Variants in PKHD1L1 observed in about 807,000 individuals in gnomAD.
PKHD1L1 encodes the protein fibrocystin-L.
A neutral mutation model predicts 462.9 loss-of-function variants in PKHD1L1; 434 were observed. The observed-to-expected ratio is 0.94, with a 90% confidence interval of 0.87 to 1.02. The LOEUF is 1.02. Ranked by LOEUF, PKHD1L1 falls within the 50% of genes least tolerant of loss-of-function variation. The pLI is 0.00. For synonymous variants in PKHD1L1, 1,781 were observed against 1,750.0 expected (o/e 1.02, Z -0.44); for missense variants, 5,202 against 5,096.1 (o/e 1.02, Z -0.63).
intron 40 of PKHD1L1, among the ~76,000 whole-genome samples, chr8:109,449,923 A>G (rs1816388384): frequency 6.6e-6 from 1 of 152,226 alleles, no homozygotes; most frequent in Admixed American, 6.5e-5. Context: ...TTTCAACTAT[A>G]AAGTGAGATG....
chr8:109,375,380 G>A (rs1330443462), intron 2 of PKHD1L1, among the ~76,000 whole-genome samples: 3 of 152,100 alleles, frequency 2.0e-5, no homozygotes, highest in Non-Finnish European at 4.4e-5. Flanking sequence ...CTCTGCATTG[G>A]TTATTCTAGT....
intron 2 of PKHD1L1, among the ~76,000 whole-genome samples, chr8:109,366,683 T>C (rs1167034997): frequency 7.0e-6 from 1 of 143,122 alleles, no homozygotes; most frequent in Non-Finnish European, 1.5e-5. Flanking sequence ...ACCATTCCTG[T>C]GGTTATGATT....
intron 57 of PKHD1L1, 77 bp from the exon 58 acceptor site, chr8:109,484,967 T>C (rs950101460): frequency 1.7e-6 from 2 of 1,204,684 alleles, no homozygotes; most frequent in Non-Finnish European, 2.3e-6. Context: ...TAAATTTGAA[T>C]GATTTAATAA....
intron 53 of PKHD1L1, 65 bp from the exon 54 acceptor site, chr8:109,479,485 AT>A: frequency 9.0e-7 from 1 of 1,108,552 alleles, no homozygotes; most frequent in Non-Finnish European, 1.3e-6. Context: ...AACGGTTTAC[AT>A]TTTAGACAAA....
At chr8:109,484,959 A>G in intron 57 of PKHD1L1, 85 bp from the exon 58 acceptor site, 1 of 1,173,292 alleles carries the variant, frequency 8.5e-7, no homozygotes, top group Non-Finnish European at 1.2e-6. Context: ...ATATACATTA[A>G]ATTTGAATGA....
rs928664479 is a variant in PKHD1L1 at position 109,533,355 on chromosome 8, C to T, written c.*3265C>T. Among the ~76,000 whole-genome samples, 1 of 152,218 alleles carries T rather than the reference C, an allele frequency of 6.6e-6. No homozygotes were observed. Among genetic ancestry groups the T allele is most frequent in the African/African-American group, 2.4e-5 (1 of 41,458 alleles). On this transcript the variant is annotated 3_prime_UTR_variant, in exon 78 of 78. Coordinates refer to ENST00000378402, the MANE Select transcript of PKHD1L1 (RefSeq NM_177531.6). Reference sequence around the variant, plus strand: ...AACAGGCGGTAAAATGATAGCCACTCTTGTTTTTATTTCCATAATGTGGCC... The same window carrying T: ...AACAGGCGGTAAAATGATAGCCACTTTTGTTTTTATTTCCATAATGTGGCC...
chr8:109,481,749 T>C (rs997042217), intron 56 of PKHD1L1, among the ~76,000 whole-genome samples, 187 bp downstream of exon 56: 1 of 151,726 alleles, frequency 6.6e-6, no homozygotes, highest in Non-Finnish European at 1.5e-5. Context: ...GTAGCAGAGA[T>C]TTTAGAATTA....
intron 59 of PKHD1L1, among the ~76,000 whole-genome samples, chr8:109,488,253 T>C (rs1401489031): frequency 1.3e-5 from 2 of 151,918 alleles, no homozygotes; most frequent in Non-Finnish European, 2.9e-5. Flanking sequence ...CCTCCAAAGG[T>C]GACAGGGAGT....
intron 14 of PKHD1L1, among the ~76,000 whole-genome samples, chr8:109,403,975 G>A (rs1280317122): frequency 6.6e-6 from 1 of 151,990 alleles, no homozygotes; most frequent in Non-Finnish European, 1.5e-5. Context: ...GAGACATCAA[G>A]AATCAGGAAT....
chr8:109,435,816 G>GC (rs1554576166), intron 29 of PKHD1L1, among the ~76,000 whole-genome samples: 1 of 151,420 alleles, frequency 6.6e-6, no homozygotes, highest in African/African-American at 2.4e-5. Flanking sequence ...ACATTTGTTT[G>GC]TTTTTTTTAC....
chr8:109,412,304 GC>G lies in PKHD1L1; in HGVS notation c.2126del (p.Ala709ValfsTer8). ...NRGQKTAETD[A>X]YCGRYSLKNP... The stretch of plus-strand genomic sequence containing the variant: ...AGGGCAGAAGACAGCTGAAACCGAT[GC>G]TTACTGTGGTCGTTATTCCCTGAAA... On this transcript the variant is annotated frameshift_variant, in exon 20 of 78. Coordinates refer to ENST00000378402, the MANE Select transcript of PKHD1L1 (RefSeq NM_177531.6). LOFTEE classifies it high-confidence loss of function. 6.2e-7 allele frequency: 1 copy of G among 1,613,758 alleles called. No homozygotes were observed. Among genetic ancestry groups the G allele is most frequent in the Admixed American group, 1.7e-5 (1 of 59,998 alleles).
At position 109,459,837 on chromosome 8, in the gene PKHD1L1, G is replaced by C. The variant is rs17368310; in HGVS notation, c.7246+1G>C. On this transcript the variant is annotated splice_donor_variant, in intron 47 of 77. Coordinates refer to ENST00000378402, the MANE Select transcript of PKHD1L1 (RefSeq NM_177531.6). LOFTEE classifies it high-confidence loss of function. The stretch of plus-strand genomic sequence containing the variant: ...GCATGTCCTGATGGATTTGACACAG[G>C]TAATTTTAGCAGCTCTCGTGGTTGG... 0.051 allele frequency: 82,207 copies of C among 1,605,788 alleles called. 3,554 individuals are homozygous for C. The highest frequency in any genetic ancestry group is 0.22 in the Admixed American group (13,208 of 59,006).
Position 109,532,295 on chromosome 8 carries a change from G to T in PKHD1L1, c.*2205G>T, listed in dbSNP as rs7821242. 0.58 allele frequency among the ~76,000 whole-genome samples: 88,727 copies of T among 152,094 alleles called. 26,208 individuals carry two copies. Among genetic ancestry groups the T allele is most frequent in the Middle Eastern group, 0.68 (201 of 294 alleles). On this transcript the variant is annotated 3_prime_UTR_variant, in exon 78 of 78. Transcript: ENST00000378402. ...AACTGCTTTAGGCTTCTGGCTGTCT[G>T]CTTTTTAAGAACATTCTAGAATTAT...
chr8:109,442,911 T>C, intron 35 of PKHD1L1, 35 bp from the exon 36 acceptor site: 1 of 1,588,310 alleles, frequency 6.3e-7, no homozygotes. Context: ...CATTAATTGC[T>C]TATATTTATT....
At chr8:109,448,497 G>GT (rs767754593) in intron 39 of PKHD1L1, 106 bp downstream of exon 39, 14,868 of 1,004,904 alleles carry the variant, frequency 0.015, 2 homozygotes, top group South Asian at 0.025. Flanking sequence ...AAAATTTCTA[G>GT]TGTTTTTTTT....
chr8:109,477,541 T>G (rs1403375789), intron 53 of PKHD1L1, 145 bp downstream of exon 53: 1 of 753,846 alleles, frequency 1.3e-6, no homozygotes, highest in South Asian at 3.7e-5. Flanking sequence ...CTGCTTTGCT[T>G]GAGCCTTACA....
chr8:109,489,270 G>GT (rs144136132), intron 59 of PKHD1L1, among the ~76,000 whole-genome samples: 2,251 of 151,674 alleles, frequency 0.015, 28 homozygotes, highest in Middle Eastern at 0.051. Context: ...CTGTGCCTCA[G>GT]TTTTTTTTAA....
rs187239260 is a variant in PKHD1L1 at position 109,487,768 on chromosome 8, C to T, written c.9880+947C>T. ...GTGTCTCAGGCCTGTAATCCCAGCA[C>T]TTTGGGAGGCCAAGGTGGGATGACT... is the stretch of plus-strand genomic sequence containing the variant. On this transcript the variant is annotated intron_variant, in intron 59 of 77. Transcript: ENST00000378402. 2.0e-5 allele frequency among the ~76,000 whole-genome samples: 3 copies of T among 151,842 alleles called. No individual in the cohort carries two copies. The East Asian group carries it at 5.8e-4, about 30-fold the overall frequency.
chr8:109,398,655 T>C, intron 12 of PKHD1L1, 107 bp downstream of exon 12: 1 of 458,276 alleles, frequency 2.2e-6, no homozygotes, highest in Non-Finnish European at 3.6e-6. Context: ...TAGTAAGAAT[T>C]GTAAGAAATT....
Sources: allele counts gnomAD v4.1 joint callset (sites outside exome capture counted in the v4.1 genomes callset), GRCh38; gene constraint gnomAD v4.1.1; transcripts MANE v1.5; gene names NCBI Gene and HGNC (gene_info 2026-07-23, HGNC 2026-07-21).